Variants in PHF24 observed in about 807,000 individuals in gnomAD.
PHF24 encodes the protein PHD finger protein 24.
PHF24 carries 25 observed loss-of-function variants against 42.6 expected under a neutral mutation model. The ratio of observed to expected loss-of-function variants is 0.59; its 90% CI spans 0.43 to 0.82. The LOEUF (loss-of-function observed/expected upper bound fraction) is 0.82, where lower values mean the gene tolerates loss of function less well. Ranked by LOEUF, PHF24 falls within the 40% of genes least tolerant of loss-of-function variation. PHF24 has a pLI of 0.00. For missense variants in PHF24, 470 were observed against 538.1 expected, an observed-to-expected ratio of 0.87 and a Z score of 1.25; for synonymous variants, 185 against 204.8, an observed-to-expected ratio of 0.90 and a Z score of 0.83.
the PHF24 span, chr9:34,895,479 C>T: frequency 2.5e-6 from 1 of 397,818 alleles, no homozygotes; most frequent in Non-Finnish European, 4.4e-6. Context: ...AGTGAGGAGA[C>T]CCCTTTAAAA....
chr9:34,959,586 T>G, intron 1 of PHF24, among the ~76,000 whole-genome samples: 1 of 152,156 alleles, frequency 6.6e-6, no homozygotes, highest in East Asian at 1.9e-4. Context: ...GCTCAGTAAA[T>G]GTGATGATTA....
At chr9:34,935,580 C>T in the PHF24 span, among the ~76,000 whole-genome samples, 6 of 113,720 alleles carry the variant, frequency 5.3e-5, no homozygotes, top group Admixed American at 1.2e-4. Context: ...GGGGACAGAG[C>T]GAGACTTCAT....
the PHF24 span, among the ~76,000 whole-genome samples, chr9:34,692,063 G>C: frequency 1.3e-5 from 2 of 152,090 alleles, no homozygotes; most frequent in Admixed American, 1.3e-4. Context: ...TCGGCCGATG[G>C]GGGAGGGGAC....
chr9:34,805,146 T>C, the PHF24 span, among the ~76,000 whole-genome samples: 1 of 152,242 alleles, frequency 6.6e-6, no homozygotes, highest in Non-Finnish European at 1.5e-5. Context: ...TTTTGGCTAT[T>C]ATAAATAATG....
chr9:34,764,623 A>G, the PHF24 span, among the ~76,000 whole-genome samples: 2 of 151,818 alleles, frequency 1.3e-5, no homozygotes, highest in African/African-American at 4.8e-5. Flanking sequence ...CGGTCTATCA[A>G]TTTTGTTAAT....
the PHF24 span, among the ~76,000 whole-genome samples, chr9:34,821,752 T>C: frequency 1.8e-3 from 270 of 152,352 alleles, 1 homozygote; most frequent in African/African-American, 6.3e-3. Context: ...ACCCAGCTCA[T>C]GCTTGCTTGG....
At chr9:34,768,179 G>C in the PHF24 span, among the ~76,000 whole-genome samples, 1 of 152,200 alleles carries the variant, frequency 6.6e-6, no homozygotes, top group African/African-American at 2.4e-5. Context: ...ATTAGACTCT[G>C]CACTCCCAGA....
the PHF24 span, among the ~76,000 whole-genome samples, chr9:34,786,581 CTGTTA>C: frequency 1.3e-5 from 2 of 152,206 alleles, no homozygotes; most frequent in African/African-American, 2.4e-5. Context: ...TCCTACATTT[CTGTTA>C]TAACATCATA....
the PHF24 span, chr9:34,838,252 G>T: frequency 1.6e-6 from 1 of 642,302 alleles, no homozygotes; most frequent in Non-Finnish European, 2.9e-6. Context: ...AAAAATTGGG[G>T]GAGAGGGGAA....
the PHF24 span, among the ~76,000 whole-genome samples, chr9:34,685,659 C>T: frequency 6.6e-6 from 1 of 152,224 alleles, no homozygotes. Context: ...GGAGGTCATT[C>T]TCCTCTGTGC....
chr9:34,790,262 G>A, the PHF24 span, among the ~76,000 whole-genome samples: 1 of 152,230 alleles, frequency 6.6e-6, no homozygotes, highest in African/African-American at 2.4e-5. Context: ...TGAACAGGCA[G>A]TTATTAGGCA....
the PHF24 span, among the ~76,000 whole-genome samples, chr9:34,874,195 C>T: frequency 2.6e-5 from 4 of 152,164 alleles, no homozygotes; most frequent in African/African-American, 9.7e-5. Context: ...ATTTCCTTCT[C>T]CTGCCTAATT....
the PHF24 span, chr9:34,837,008 T>A: frequency 6.4e-6 from 3 of 465,598 alleles, no homozygotes; most frequent in Non-Finnish European, 8.9e-6. Flanking sequence ...CCAGGCTAAA[T>A]GAAAAAATCA....
chr9:34,733,646 A>T, the PHF24 span, among the ~76,000 whole-genome samples: 1 of 151,972 alleles, frequency 6.6e-6, no homozygotes, highest in Non-Finnish European at 1.5e-5. Flanking sequence ...GATCACAGGC[A>T]TGTGCCACCA....
chr9:34,769,267 C>T, the PHF24 span, among the ~76,000 whole-genome samples: 1 of 152,146 alleles, frequency 6.6e-6, no homozygotes, highest in African/African-American at 2.4e-5. Context: ...AGGCACCCAA[C>T]ACCACGCCTG....
the PHF24 span, among the ~76,000 whole-genome samples, chr9:34,684,657 C>G: frequency 2.0e-5 from 3 of 152,176 alleles, no homozygotes; most frequent in African/African-American, 7.2e-5. Context: ...GAGGCCCTGA[C>G]AGAAGGGCTG....
At chr9:34,857,782 A>G in the PHF24 span, among the ~76,000 whole-genome samples, 1 of 152,188 alleles carries the variant, frequency 6.6e-6, no homozygotes, top group Non-Finnish European at 1.5e-5. Context: ...TCAAGTAAAC[A>G]TTCTTTGAGT....
chr9:34,673,353 CA>C, the PHF24 span, among the ~76,000 whole-genome samples: 59,112 of 147,106 alleles, frequency 0.4, 12,295 homozygotes, highest in South Asian at 0.48. Context: ...GACTCTATTT[CA>C]AAAAAAAAAA....
the PHF24 span, among the ~76,000 whole-genome samples, chr9:34,854,683 A>G: frequency 6.6e-6 from 1 of 152,038 alleles, no homozygotes; most frequent in Non-Finnish European, 1.5e-5. Context: ...GCTGAGAAGT[A>G]TTTTTCTTCT....
Sources: gnomAD v4.1 joint callset for allele counts (sites outside exome capture counted in the v4.1 genomes callset) on GRCh38, gnomAD v4.1.1 for gene constraint, MANE v1.5 for transcripts, NCBI Gene and HGNC (gene_info 2026-07-23, HGNC 2026-07-21) for gene names.